Variants in ZNRF3 observed in about 807,000 individuals in gnomAD.
ZNRF3 encodes zinc and ring finger 3.
In ZNRF3, 23 loss-of-function variants were observed where a neutral mutation model predicts 72.5. That is an observed-to-expected ratio of 0.32 (90% CI 0.23 to 0.45). ZNRF3 has a LOEUF of 0.45. Among genes scored for constraint, ZNRF3 ranks in the 20% least tolerant of loss-of-function variants. The probability of loss-of-function intolerance (pLI) is 1.00; values close to 1 mark genes in which losing one functional copy is unlikely to be tolerated. For synonymous variants in ZNRF3, 610 were observed against 545.3 expected, an observed-to-expected ratio of 1.12 and a Z score of -1.65; for missense variants, 1,169 against 1,272.1, an observed-to-expected ratio of 0.92 and a Z score of 1.23.
chr22:28,922,420 AC>A (rs1479178975), intron 1 of ZNRF3, among the ~76,000 whole-genome samples: 1 of 152,150 alleles, frequency 6.6e-6, no homozygotes, highest in Non-Finnish European at 1.5e-5. Flanking sequence ...ATGCCTGTTT[AC>A]TTTTTTACTT....
intron 1 of ZNRF3, among the ~76,000 whole-genome samples, chr22:28,951,163 T>C (rs552848645): frequency 3.9e-5 from 6 of 152,342 alleles, no homozygotes; most frequent in Admixed American, 3.9e-4. Context: ...TAATATCTTC[T>C]TATAGCGCCC....
intron 1 of ZNRF3, among the ~76,000 whole-genome samples, chr22:28,918,723 G>A (rs1228503889): frequency 6.6e-6 from 1 of 152,130 alleles, no homozygotes; most frequent in Non-Finnish European, 1.5e-5. Context: ...GGGTATGTGC[G>A]AAGCTACAAT....
At chr22:28,905,975 G>T (rs1449218782) in intron 1 of ZNRF3, among the ~76,000 whole-genome samples, 1 of 152,202 alleles carries the variant, frequency 6.6e-6, no homozygotes, top group Non-Finnish European at 1.5e-5. Context: ...GCCTCACCAT[G>T]AGGTAATTGG....
In ZNRF3 at chr22:28,884,118, G is replaced by C. The variant is rs958450963; in HGVS notation, c.300+52G>C. On this transcript the variant is annotated intron_variant, in intron 1 of 8. Coordinates refer to ENST00000544604, the MANE Select transcript of ZNRF3 (RefSeq NM_001206998.2). ...GCCGCCTCCGCCACAAGATGGCTCC[G>C]GGGGCTGCGCCCGCCGACCCCGCCG... 1.2e-5 allele frequency: 13 copies of C among 1,072,742 alleles called. No homozygotes were observed. The South Asian group carries it at 3.5e-4, about 29-fold the overall frequency. 66.5% of individuals were successfully genotyped at this position (1,072,742 alleles called of 1,614,324 possible).
At chr22:29,043,466 C>T (rs1474687717) in intron 4 of ZNRF3, 36 bp downstream of exon 4, 9 of 1,609,164 alleles carry the variant, frequency 5.6e-6, no homozygotes, top group Middle Eastern at 2.1e-4. Flanking sequence ...GGCTCGGGGC[C>T]TTCTCTGCTA....
intron 2 of ZNRF3, among the ~76,000 whole-genome samples, chr22:29,006,877 G>A (rs1316858136): frequency 6.6e-6 from 1 of 152,184 alleles, no homozygotes; most frequent in Non-Finnish European, 1.5e-5. Context: ...CCCAGGAGCC[G>A]CAGCATCCCA....
chr22:28,949,046 C>T (rs1303639302), intron 1 of ZNRF3, among the ~76,000 whole-genome samples: 2 of 152,078 alleles, frequency 1.3e-5, no homozygotes, highest in African/African-American at 4.8e-5. Context: ...ATGGCGTGAT[C>T]TCGGCTCACT....
Position 28,923,569 on chromosome 22 carries a change from T to G in ZNRF3, c.300+39503T>G, listed in dbSNP as rs149533814. On this transcript the variant is annotated intron_variant, in intron 1 of 8. Transcript: ENST00000544604. ...AGACTCCAATAGATAGAACATGTTA[T>G]GTACACACCGTCCCTCCATATACTC... Among the ~76,000 whole-genome samples, 17 of 152,266 alleles carry G rather than the reference T, an allele frequency of 1.1e-4. No individual in the cohort carries two copies. The East Asian group carries it at 2.1e-3, about 19-fold the overall frequency.
intron 1 of ZNRF3, among the ~76,000 whole-genome samples, chr22:28,918,688 G>T (rs567852280): frequency 1.3e-5 from 2 of 152,114 alleles, no homozygotes; most frequent in African/African-American, 2.4e-5. Context: ...TCCCTAGGGC[G>T]GGTCTGAGTC....
At chr22:29,000,276 A>G (rs1324953982) in intron 2 of ZNRF3, among the ~76,000 whole-genome samples, 2 of 152,346 alleles carry the variant, frequency 1.3e-5, no homozygotes, top group East Asian at 3.9e-4. Flanking sequence ...TGTGCTATAT[A>G]TAAAGGTATG....
intron 1 of ZNRF3, among the ~76,000 whole-genome samples, chr22:28,923,629 C>G (rs1022382784): frequency 1.3e-5 from 2 of 152,060 alleles, no homozygotes; most frequent in African/African-American, 2.4e-5. Flanking sequence ...CACCTGGCCC[C>G]GCTTGTTTCA....
intron 1 of ZNRF3, among the ~76,000 whole-genome samples, chr22:28,938,571 A>G (rs2034883706): frequency 6.6e-6 from 1 of 152,098 alleles, no homozygotes; most frequent in African/African-American, 2.4e-5. Context: ...GTGAGCAAAA[A>G]CTTTTGACGA....
At chr22:28,919,951 A>C (rs888969242) in intron 1 of ZNRF3, among the ~76,000 whole-genome samples, 1 of 152,026 alleles carries the variant, frequency 6.6e-6, no homozygotes, top group Admixed American at 6.6e-5. Context: ...GACTCATGTT[A>C]TATTCATCAG....
intron 1 of ZNRF3, among the ~76,000 whole-genome samples, chr22:28,947,747 T>C (rs1484488041): frequency 6.6e-6 from 1 of 152,268 alleles, no homozygotes; most frequent in African/African-American, 2.4e-5. Context: ...AGTTACACTT[T>C]TAAAGTGTTG....
At chr22:28,885,589 C>CT (rs1367123465) in intron 1 of ZNRF3, among the ~76,000 whole-genome samples, 1 of 93,292 alleles carries the variant, frequency 1.1e-5, no homozygotes, top group African/African-American at 5.2e-5. Flanking sequence ...TTACAGCCTT[C>CT]TAAAAAAAAA....
At chr22:29,016,281 T>C (rs1290354979) in intron 2 of ZNRF3, among the ~76,000 whole-genome samples, 2 of 152,182 alleles carry the variant, frequency 1.3e-5, no homozygotes, top group African/African-American at 4.8e-5. Flanking sequence ...TGTGACTGCC[T>C]TGAAGGAAGG....
In ZNRF3 at chr22:28,883,583, AC is replaced by A. The variant is rs1056037910; in HGVS notation, c.-183del. The A allele has an allele frequency of 2.0e-6, 1 of 490,052 alleles. No homozygotes were observed. The highest frequency in any genetic ancestry group is 2.1e-5 in the African/African-American group (1 of 47,644). 30.4% of individuals were successfully genotyped at this position (490,052 alleles called of 1,614,324 possible). ...GCTGCCGGGGCGGGGATAACCCCTCACGTGGAGCAGATGAAAGGGCCGCGGC... is the reference window on the plus strand; with the variant it reads ...GCTGCCGGGGCGGGGATAACCCCTCAGTGGAGCAGATGAAAGGGCCGCGGC... On this transcript the variant is annotated 5_prime_UTR_variant, in exon 1 of 9. Transcript: ENST00000544604. The surrounding 1 kb of genome is among the most constrained non-coding windows in gnomAD (Gnocchi z 5.5).
chr22:28,928,835 C>A (rs1456542120), intron 1 of ZNRF3, among the ~76,000 whole-genome samples: 1 of 152,070 alleles, frequency 6.6e-6, no homozygotes, highest in Non-Finnish European at 1.5e-5. Context: ...AAATCCAGGA[C>A]CCATGCAAGG....
chr22:28,958,939 G>A (rs1325350181), intron 1 of ZNRF3, among the ~76,000 whole-genome samples: 3 of 152,230 alleles, frequency 2.0e-5, no homozygotes, highest in African/African-American at 7.2e-5. Flanking sequence ...CACTTCATCA[G>A]CAGAGAAGAA....
Sources: gnomAD v4.1 joint callset for allele counts (sites outside exome capture counted in the v4.1 genomes callset) on GRCh38, gnomAD v4.1.1 for gene constraint, Gnocchi (gnomAD v3.1) non-coding constraint, MANE v1.5 for transcripts, NCBI Gene and HGNC (gene_info 2026-07-23, HGNC 2026-07-21) for gene names.